The following TENM3 variants were observed in gnomAD, a reference collection of about 807,000 sequenced individuals.
TENM3 encodes the protein teneurin-3.
TENM3 carries 63 observed loss-of-function variants against 255.1 expected under a neutral mutation model. That is an observed-to-expected ratio of 0.25 (90% CI 0.20 to 0.30). TENM3 has a LOEUF of 0.30. Ranked by LOEUF, TENM3 falls within the 10% of genes least tolerant of loss-of-function variation. TENM3 has a pLI of 1.00. For missense variants in TENM3, 2,929 were observed against 3,461.1 expected, an observed-to-expected ratio of 0.85 and a Z score of 3.86; for synonymous variants, 1,306 against 1,322.3, an observed-to-expected ratio of 0.99 and a Z score of 0.27.
At chr4:182,566,803 G>A (rs62339088) in intron 3 of TENM3, among the ~76,000 whole-genome samples, 18,417 of 152,150 alleles carry the variant, frequency 0.12, 1,565 homozygotes, top group Non-Finnish European at 0.18. Context: ...GTAGATGTCA[G>A]AATTTCTTTG....
At chr4:182,445,698 T>G (rs975038885) in intron 3 of TENM3, among the ~76,000 whole-genome samples, 2 of 152,220 alleles carry the variant, frequency 1.3e-5, no homozygotes, top group African/African-American at 4.8e-5. Context: ...TCATTAGATT[T>G]TTATGCCTAA....
intron 3 of TENM3, among the ~76,000 whole-genome samples, chr4:182,406,474 C>T (rs939893010): frequency 1.3e-5 from 2 of 151,990 alleles, no homozygotes; most frequent in African/African-American, 4.8e-5. Flanking sequence ...TGTTAAAAAA[C>T]AAAAAGCAAA....
chr4:181,527,362 TTTTTG>T, the TENM3 span, among the ~76,000 whole-genome samples: 12 of 152,154 alleles, frequency 7.9e-5, no homozygotes, highest in Admixed American at 2.6e-4. Context: ...TTTTTATTTG[TTTTTG>T]TTTTGTTTTG....
chr4:182,503,420 C>T (rs1031899923), intron 3 of TENM3, among the ~76,000 whole-genome samples: 3 of 152,124 alleles, frequency 2.0e-5, no homozygotes, highest in African/African-American at 7.2e-5. Context: ...TGGCCCCTTG[C>T]TTATTTGTGT....
chr4:182,676,915 G>A (rs1755707776), intron 7 of TENM3, among the ~76,000 whole-genome samples: 1 of 152,000 alleles, frequency 6.6e-6, no homozygotes, highest in Admixed American at 6.6e-5. Context: ...TCTCACGATG[G>A]CTCCCGCGGA....
intron 2 of TENM3, 111 bp downstream of exon 2, chr4:182,324,363 G>A (rs1763260022): frequency 1.3e-6 from 1 of 784,544 alleles, no homozygotes; most frequent in Non-Finnish European, 2.1e-6. Context: ...CGTTCCATCT[G>A]CTGATTCTGA....
chr4:182,500,255 GAC>G (rs1406388844), intron 3 of TENM3, among the ~76,000 whole-genome samples: 1 of 152,140 alleles, frequency 6.6e-6, no homozygotes, highest in Non-Finnish European at 1.5e-5. Context: ...TTTAGAAAGA[GAC>G]AAGTAAATGA....
chr4:182,359,786 T>G (rs2150767240), intron 3 of TENM3, among the ~76,000 whole-genome samples: 1 of 152,260 alleles, frequency 6.6e-6, no homozygotes. Context: ...TGGCTCTTAC[T>G]TTTCTAGTTC....
At chr4:182,776,443 T>C (rs1646851313) in intron 24 of TENM3, among the ~76,000 whole-genome samples, 2 of 152,094 alleles carry the variant, frequency 1.3e-5, no homozygotes, top group African/African-American at 4.8e-5. Flanking sequence ...TGGTTATATA[T>C]TCCCTGACCC....
chr4:181,495,135 T>A, the TENM3 span, among the ~76,000 whole-genome samples: 1 of 152,136 alleles, frequency 6.6e-6, no homozygotes, highest in African/African-American at 2.4e-5. Flanking sequence ...TATAGTTTAG[T>A]TAATTATCAA....
At position 182,679,662 on chromosome 4, in the gene TENM3, C is replaced by G. The variant is rs758450123; in HGVS notation, c.1327-4C>G. On this transcript the variant is annotated splice_polypyrimidine_tract_variant and splice_region_variant and intron_variant, in intron 7 of 27. Transcript: ENST00000511685. Reference sequence around the variant, plus strand: ...CTGACTATTTTTCCTCGTCCTCCCCCCAGTATGACTTCGTGGAGCTCCTGG... The same window carrying G: ...CTGACTATTTTTCCTCGTCCTCCCCGCAGTATGACTTCGTGGAGCTCCTGG... The G allele has an allele frequency of 4.2e-5, 68 of 1,610,622 alleles. 1 individual carries two copies. The highest frequency in any genetic ancestry group is 3.7e-4 in the South Asian group (34 of 90,990).
At chr4:182,133,561 C>T in the TENM3 span, among the ~76,000 whole-genome samples, 3 of 151,980 alleles carry the variant, frequency 2.0e-5, no homozygotes, top group Non-Finnish European at 4.4e-5. Flanking sequence ...AACAAGATAG[C>T]CAGCAAAAAT....
At chr4:182,703,797 T>C (rs76000306) in intron 12 of TENM3, among the ~76,000 whole-genome samples, 2,528 of 152,298 alleles carry the variant, frequency 0.017, 78 homozygotes, top group African/African-American at 0.058. Context: ...AAAGTGTTAG[T>C]CTATACATTT....
the TENM3 span, among the ~76,000 whole-genome samples, chr4:181,952,010 A>T: frequency 1.3e-5 from 2 of 152,176 alleles, no homozygotes; most frequent in African/African-American, 4.8e-5. Flanking sequence ...GTATTGCTGT[A>T]TTATATTGTA....
chr4:182,053,335 A>G, the TENM3 span, among the ~76,000 whole-genome samples: 2 of 152,204 alleles, frequency 1.3e-5, no homozygotes, highest in Non-Finnish European at 1.5e-5. Flanking sequence ...TGGATACACA[A>G]TGAGTAGTTG....
At chr4:181,615,328 A>G in the TENM3 span, among the ~76,000 whole-genome samples, 1 of 152,170 alleles carries the variant, frequency 6.6e-6, no homozygotes, top group South Asian at 2.1e-4. Flanking sequence ...ATTTACAAAA[A>G]GAATCCTGAC....
At chr4:181,969,374 TCA>T in the TENM3 span, among the ~76,000 whole-genome samples, 1 of 152,232 alleles carries the variant, frequency 6.6e-6, no homozygotes, top group Non-Finnish European at 1.5e-5. Context: ...TGTTGCGACA[TCA>T]GTCAGTGATT....
At chr4:182,258,053 T>A (rs1388299768) in intron 1 of TENM3, among the ~76,000 whole-genome samples, 2 of 152,162 alleles carry the variant, frequency 1.3e-5, no homozygotes, top group Admixed American at 1.3e-4. Context: ...GTAAATTGTG[T>A]ATGTGTGTAT....
At chr4:181,564,629 ATCC>A in the TENM3 span, among the ~76,000 whole-genome samples, 1 of 152,094 alleles carries the variant, frequency 6.6e-6, no homozygotes, top group Non-Finnish European at 1.5e-5. Context: ...TCGTCAAAAC[ATCC>A]TCCTTCCTCC....
Sources: gnomAD v4.1 joint callset for allele counts (sites outside exome capture counted in the v4.1 genomes callset) on GRCh38, gnomAD v4.1.1 for gene constraint, MANE v1.5 for transcripts, NCBI Gene and HGNC (gene_info 2026-07-23, HGNC 2026-07-21) for gene names.